The following VWA3B variants were observed in gnomAD, a reference collection of about 807,000 sequenced individuals.
The protein encoded by VWA3B is von Willebrand factor A domain containing 3B.
In VWA3B, 138 loss-of-function variants were observed where a neutral mutation model predicts 158.3. The ratio of observed to expected loss-of-function variants is 0.87; its 90% CI spans 0.76 to 1.00. The LOEUF (loss-of-function observed/expected upper bound fraction) is 1.00, where lower values mean the gene tolerates loss of function less well. VWA3B is among the 50% of genes least tolerant of loss of function. VWA3B has a pLI of 0.00. For missense variants in VWA3B, 1,555 were observed against 1,565.1 expected, an observed-to-expected ratio of 0.99 and a Z score of 0.11; for synonymous variants, 596 against 587.3, an observed-to-expected ratio of 1.01 and a Z score of -0.21.
At position 98,162,878 on chromosome 2, in the gene VWA3B, T is replaced by C; in HGVS notation, c.1016T>C (p.Leu339Pro). 6.2e-7 allele frequency: 1 copy of C among 1,613,870 alleles called. No homozygotes were observed. The highest frequency in any genetic ancestry group is 8.5e-7 in the Non-Finnish European group (1 of 1,180,018). ...PGAGVREDVF[L>P]VWQEMEEACS... ...GCTGGAGTCAGAGAGGACGTGTTTC[T>C]CGTTTGGCAAGAGATGGAGGAAGCC... Residue 339 changes from leucine (L) to proline (P), a missense_variant, in exon 8 of 28, where the codon CTC (leucine) becomes CCC (proline). Coordinates refer to ENST00000477737, the MANE Select transcript of VWA3B (RefSeq NM_144992.5).
intron 3 of VWA3B, 82 bp downstream of exon 3, chr2:98,115,828 G>A: frequency 1.7e-6 from 2 of 1,191,710 alleles, no homozygotes; most frequent in Admixed American, 1.8e-5. Flanking sequence ...GGAGAGACTT[G>A]TGCTGCTTGG....
intron 21 of VWA3B, among the ~76,000 whole-genome samples, chr2:98,263,792 G>A (rs1379167934): frequency 6.6e-6 from 1 of 151,868 alleles, no homozygotes; most frequent in Non-Finnish European, 1.5e-5. Context: ...TCAATCTTTT[G>A]AAAGAGGTTT....
rs1356960630 is a variant in VWA3B, at chr2:98,228,296, A to T, written c.2114A>T (p.Asp705Val). 6.2e-7 allele frequency: 1 copy of T among 1,613,902 alleles called. No homozygotes were observed. The highest frequency in any genetic ancestry group is 8.5e-7 in the Non-Finnish European group (1 of 1,179,982). Residue 705 changes from aspartate to valine, a missense_variant, in exon 15 of 28, where the codon GAC becomes GTC. Physicochemically the swap from Asp to Val is radical, Grantham distance 152. Coordinates refer to ENST00000477737, the MANE Select transcript of VWA3B (RefSeq NM_144992.5). ...CTTTATTCTGAGTCCTTGATCATGG[A>T]CTGGTGGTACAATGCAGAAAAGGAT... ...QDLYSESLIM[D>V]WWYNAEKDGD...
intron 14 of VWA3B, 68 bp downstream of exon 14, chr2:98,218,096 G>A (rs543680615): frequency 6.7e-7 from 1 of 1,484,296 alleles, no homozygotes; most frequent in African/African-American, 1.4e-5. Context: ...CGGTCCCTGG[G>A]TAATACCTTC....
chr2:98,112,095 G>A (rs1240044547), intron 2 of VWA3B, among the ~76,000 whole-genome samples: 1 of 152,080 alleles, frequency 6.6e-6, no homozygotes, highest in Non-Finnish European at 1.5e-5. Context: ...TTTATATAGT[G>A]AAAGGTAGGG....
downstream of VWA3B, among the ~76,000 whole-genome samples, chr2:98,316,622 G>C (rs918900478): frequency 6.6e-6 from 1 of 150,934 alleles, no homozygotes; most frequent in South Asian, 2.1e-4. Flanking sequence ...ACCCCAGCGT[G>C]GGCAACAAAG....
chr2:98,320,781 G>A, the VWA3B span, among the ~76,000 whole-genome samples: 45 of 152,284 alleles, frequency 3.0e-4, no homozygotes, highest in African/African-American at 8.7e-4. Flanking sequence ...GTAGAAGTTC[G>A]GAAAATTTGC....
Position 98,096,220 on chromosome 2 carries a change from G to A in VWA3B, c.196+2932G>A, listed in dbSNP as rs184605185. On this transcript the variant is annotated intron_variant, in intron 2 of 27. Coordinates refer to ENST00000477737, the MANE Select transcript of VWA3B (RefSeq NM_144992.5). ...GTATTAGTTCTTCTTTAAATGTTTG[G>A]TAGAATTCAGCAATGAAGCCATTCA... Among the ~76,000 whole-genome samples the A allele has an allele frequency of 3.3e-5, 5 of 152,108 alleles. No homozygotes were observed. In the East Asian group the frequency reaches 9.6e-4, roughly 29 times the overall value.
chr2:98,112,658 C>T (rs997945948), intron 2 of VWA3B, among the ~76,000 whole-genome samples: 2 of 151,544 alleles, frequency 1.3e-5, no homozygotes, highest in East Asian at 1.9e-4. Context: ...CTGGATTTAT[C>T]GAGCTTCTTG....
At chr2:98,157,258 G>T (rs533293625) in intron 7 of VWA3B, among the ~76,000 whole-genome samples, 2 of 152,222 alleles carry the variant, frequency 1.3e-5, no homozygotes, top group South Asian at 4.2e-4. Context: ...TAAAACATTA[G>T]ATGGTTATCC....
intron 2 of VWA3B, among the ~76,000 whole-genome samples, chr2:98,107,247 T>TA (rs1479700863): frequency 6.6e-6 from 1 of 152,168 alleles, no homozygotes; most frequent in Non-Finnish European, 1.5e-5. Flanking sequence ...AATGTTGTGT[T>TA]ACGGATTTTT....
chr2:98,247,888 A>G (rs1686502102), intron 19 of VWA3B, among the ~76,000 whole-genome samples: 2 of 152,036 alleles, frequency 1.3e-5, no homozygotes, highest in South Asian at 4.1e-4. Flanking sequence ...CTATTCTTTT[A>G]AAATGTCTAT....
intron 7 of VWA3B, among the ~76,000 whole-genome samples, chr2:98,147,750 T>C (rs777039031): frequency 6.6e-6 from 1 of 152,136 alleles, no homozygotes; most frequent in African/African-American, 2.4e-5. Context: ...GTGCACAACG[T>C]GCAGGTTTGT....
At chr2:98,192,698 A>T (rs558703171) in intron 10 of VWA3B, among the ~76,000 whole-genome samples, 200 bp from the exon 11 acceptor site, 1 of 152,300 alleles carries the variant, frequency 6.6e-6, no homozygotes, top group East Asian at 1.9e-4. Flanking sequence ...ACTTGGCTTG[A>T]TGGTGGGTAG....
chr2:98,325,130 C>T, the VWA3B span, among the ~76,000 whole-genome samples: 2,175 of 152,212 alleles, frequency 0.014, 48 homozygotes, highest in African/African-American at 0.05. Flanking sequence ...GAAATAATGG[C>T]TGTAAATCTC....
At chr2:98,195,161 A>G (rs1261806901) in intron 12 of VWA3B, among the ~76,000 whole-genome samples, 5 of 152,220 alleles carry the variant, frequency 3.3e-5, no homozygotes, top group African/African-American at 4.8e-5. Flanking sequence ...AAAGTCAAAT[A>G]TAGGAGCTGG....
At chr2:98,110,762 A>C (rs1223868605) in intron 2 of VWA3B, among the ~76,000 whole-genome samples, 2 of 152,158 alleles carry the variant, frequency 1.3e-5, no homozygotes, top group East Asian at 3.8e-4. Context: ...TCTCTACCCA[A>C]ATCTCATCTT....
intron 14 of VWA3B, among the ~76,000 whole-genome samples, chr2:98,223,531 G>C (rs1173294677): frequency 1.3e-5 from 2 of 151,972 alleles, no homozygotes; most frequent in African/African-American, 4.8e-5. Flanking sequence ...AAGAAATCCA[G>C]GCCAAGACAT....
At position 98,228,233 on chromosome 2, in the gene VWA3B, TG is replaced by T. The variant is rs1440133396; in HGVS notation, c.2053del (p.Glu685AsnfsTer18). 1.2e-6 allele frequency: 2 copies of T among 1,613,636 alleles called. No homozygotes were observed. The highest frequency in any genetic ancestry group is 3.3e-5 in the Admixed American group (2 of 59,922). Reference sequence around the variant, plus strand: ...GATCTGACTCTTTTAGTTAAGGAAATGGAACAGGGTCACAGTGATCTGGAGA... The same window carrying T: ...GATCTGACTCTTTTAGTTAAGGAAATGAACAGGGTCACAGTGATCTGGAGA... ...NEDLTLLVKE[M>X]EQGHSDLEKM... On this transcript the variant is annotated frameshift_variant, in exon 15 of 28. Coordinates refer to ENST00000477737, the MANE Select transcript of VWA3B (RefSeq NM_144992.5). LOFTEE classifies it high-confidence loss of function.
Sources: allele counts gnomAD v4.1 joint callset (sites outside exome capture counted in the v4.1 genomes callset), GRCh38; gene constraint gnomAD v4.1.1; transcripts MANE v1.5; gene names NCBI Gene and HGNC (gene_info 2026-07-23, HGNC 2026-07-21).